The following RBAK variants were observed in gnomAD, a reference collection of about 807,000 sequenced individuals.
RBAK encodes RB associated KRAB zinc finger.
Under a neutral mutation model 65.8 loss-of-function variants are expected in RBAK, and 39 were observed. The observed-to-expected ratio is 0.59, with a 90% CI of 0.46 to 0.77. The LOEUF (loss-of-function observed/expected upper bound fraction) is 0.77, where lower values mean the gene tolerates loss of function less well. Among genes scored for constraint, RBAK ranks in the 30% least tolerant of loss-of-function variants. RBAK has a pLI of 0.00. For synonymous variants in RBAK, 343 were observed against 289.7 expected (o/e 1.18, Z -1.87); for missense variants, 884 against 855.1 (o/e 1.03, Z -0.42).
At chr7:5,052,367 C>G (rs948974370) in intron 2 of RBAK, among the ~76,000 whole-genome samples, 7 of 152,122 alleles carry the variant, frequency 4.6e-5, no homozygotes, top group Non-Finnish European at 5.9e-5. Context: ...ATTGATAAAA[C>G]TAGTTAGGTT....
chr7:5,057,694 C>G lies in RBAK; in HGVS notation c.153C>G (p.Thr51=). Residue 51 remains threonine, a synonymous_variant, in exon 4 of 5, where the codon ACC becomes ACG. Coordinates refer to ENST00000396912, the MANE Select transcript of RBAK (RefSeq NM_021163.4). The part of the protein sequence containing the change: ...YSHLVSVGYD[T]TKPNVIIKLE... ...TTTTCCCATTAACAGGATATGATAC[C>G]ACCAAGCCAAACGTCATCATTAAGT... 1 of 1,613,874 alleles carries G rather than the reference C, an allele frequency of 6.2e-7. No homozygotes were observed. The highest frequency in any genetic ancestry group is 8.5e-7 in the Non-Finnish European group (1 of 1,179,852).
chr7:5,066,415 A>G lies in RBAK; in HGVS notation c.*814A>G, dbSNP rs1381192276. 1 of 151,504 alleles carries G rather than the reference A, an allele frequency of 6.6e-6. No homozygotes were observed. Among genetic ancestry groups the G allele is most frequent in the Admixed American group, 6.6e-5 (1 of 15,206 alleles). The allele number at this position is 151,504 out of a possible 1,614,324, so 9.4% of individuals were successfully genotyped here. On this transcript the variant is annotated 3_prime_UTR_variant, in exon 5 of 5. Transcript: ENST00000396912. ...CTAAAAGACTATTTTGATAAACTAT[A>G]CATACATAATTTGGAATTGTTTAAG...
At chr7:5,054,577 CTA>C (rs1451259657) in intron 2 of RBAK, among the ~76,000 whole-genome samples, 1 of 151,886 alleles carries the variant, frequency 6.6e-6, no homozygotes, top group African/African-American at 2.4e-5. Flanking sequence ...ATGTCTCTCT[CTA>C]TATATATTTT....
chr7:5,061,340 G>T (rs1779065008), intron 4 of RBAK, among the ~76,000 whole-genome samples: 1 of 151,942 alleles, frequency 6.6e-6, no homozygotes, highest in African/African-American at 2.4e-5. Context: ...GTGCTATATT[G>T]TGCAAGCAGG....
intron 2 of RBAK, among the ~76,000 whole-genome samples, chr7:5,049,175 A>G (rs545222687): frequency 1.6e-4 from 24 of 152,338 alleles, no homozygotes; most frequent in Admixed American, 5.2e-4. Context: ...AGCTTTCCTA[A>G]TAACAACCAT....
At chr7:5,057,253 C>A (rs1262943773) in intron 2 of RBAK, 42 bp from the exon 3 acceptor site, 3 of 1,613,586 alleles carry the variant, frequency 1.9e-6, no homozygotes, top group Non-Finnish European at 1.7e-6. Context: ...TCCCCCTATC[C>A]CTTTTCCGTA....
At chr7:5,052,741 TTTGATTGATTGA>T (rs35675888) in intron 2 of RBAK, among the ~76,000 whole-genome samples, 8 of 151,068 alleles carry the variant, frequency 5.3e-5, no homozygotes, top group East Asian at 1.9e-4. Flanking sequence ...AACAGTTATC[TTTGATTGATTGA>T]TTGATTGATT....
At position 5,064,029 on chromosome 7, in the gene RBAK, A is replaced by G. The variant is rs759916301; in HGVS notation, c.573A>G (p.Glu191=). 8 of 1,613,362 alleles carry G rather than the reference A, an allele frequency of 5.0e-6. No homozygotes were observed. The highest frequency in any genetic ancestry group is 6.8e-6 in the Non-Finnish European group (8 of 1,179,822). The change falls in exon 5 of 5, where the codon GAA becomes GAG. Residue 191 remains glutamate (E), a synonymous_variant. Transcript: ENST00000396912. The surrounding 1 kb of genome is among the most constrained non-coding windows in gnomAD (Gnocchi z 6.3). ...NQNGDTYSHN[E]ENILQKISIL... is the part of the protein sequence containing the mutation. The stretch of plus-strand genomic sequence containing the variant: ...ATGGGGATACCTATTCTCACAATGA[A>G]GAAAATATTCTTCAGAAAATTAGTA...
intron 4 of RBAK, among the ~76,000 whole-genome samples, chr7:5,060,560 G>A (rs747100461): frequency 1.1e-4 from 17 of 152,142 alleles, no homozygotes; most frequent in Non-Finnish European, 1.6e-4. Context: ...AATGAACTGG[G>A]AAGAGATTTG....
At position 5,064,009 on chromosome 7, in the gene RBAK, G is replaced by T. The variant is rs1175430236; in HGVS notation, c.553G>T (p.Asp185Tyr). The change falls in exon 5 of 5, where the codon GAT (aspartate) becomes TAT (tyrosine). Residue 185 changes from aspartate to tyrosine, a missense_variant. Asp to Tyr is a radical substitution (Grantham distance 160, BLOSUM62 -3). Transcript: ENST00000396912. This position sits in a 1 kb window ranked among gnomAD's most constrained non-coding sequence, Gnocchi z 6.3. ...EKMCEFNQNG[D>Y]TYSHNEENIL... Reference sequence around the variant, plus strand: ...AATGTGTGAATTTAATCAAAATGGGGATACCTATTCTCACAATGAAGAAAA... The same window carrying T: ...AATGTGTGAATTTAATCAAAATGGGTATACCTATTCTCACAATGAAGAAAA... 2.5e-6 allele frequency: 4 copies of T among 1,613,718 alleles called. No homozygotes were observed. The East Asian group carries it at 8.9e-5, about 36-fold the overall frequency.
chr7:5,068,136 G>A lies in RBAK; in HGVS notation c.*2535G>A, dbSNP rs1178904240. 2 of 152,124 alleles carry A rather than the reference G, an allele frequency of 1.3e-5. No individual in the cohort carries two copies. The highest frequency in any genetic ancestry group is 6.6e-5 in the Admixed American group (1 of 15,264). 9.4% of individuals were successfully genotyped at this position (152,124 alleles called of 1,614,324 possible). A position where few individuals can be genotyped will look rare whatever the true frequency, so the allele number is the denominator to read the frequency against. ...AGTTCATGTATGTGACAACAGCACC[G>A]AGTATAGCAGAAGTGTTGGCAAACT... On this transcript the variant is annotated 3_prime_UTR_variant, in exon 5 of 5. Transcript: ENST00000396912.
Position 5,065,786 on chromosome 7 carries a change from T to G in RBAK, c.*185T>G. ...AAGAATGTAACAAGAAGCAAAGCCTTCAGCAAGATCATACGACTCATCGGA... is the reference window on the plus strand; with the variant it reads ...AAGAATGTAACAAGAAGCAAAGCCTGCAGCAAGATCATACGACTCATCGGA... On this transcript the variant is annotated 3_prime_UTR_variant, in exon 5 of 5. Coordinates refer to ENST00000396912, the MANE Select transcript of RBAK (RefSeq NM_021163.4). The surrounding 1 kb of genome is among the most constrained non-coding windows in gnomAD (Gnocchi z 5.3). 2.3e-6 allele frequency: 1 copy of G among 431,680 alleles called. No homozygotes were observed. The highest frequency in any genetic ancestry group is 4.0e-6 in the Non-Finnish European group (1 of 247,216). The allele number at this position is 431,680 out of a possible 1,614,324, so 26.7% of individuals were successfully genotyped here.
chr7:5,051,310 A>G (rs535378456), intron 2 of RBAK, among the ~76,000 whole-genome samples: 97 of 152,076 alleles, frequency 6.4e-4, no homozygotes, highest in Non-Finnish European at 1.0e-3. Context: ...CACATTAATC[A>G]TTTATATGCA....
At chr7:5,056,018 A>G (rs6972601) in intron 2 of RBAK, among the ~76,000 whole-genome samples, 6,821 of 151,622 alleles carry the variant, frequency 0.045, 541 homozygotes, top group African/African-American at 0.16. Context: ...AAGTTTGGGC[A>G]GGGCGTGCTG....
At position 5,067,315 on chromosome 7, in the gene RBAK, C is replaced by G. The variant is rs1779244838; in HGVS notation, c.*1714C>G. 6.6e-6 allele frequency: 1 copy of G among 152,052 alleles called. No homozygotes were observed. The highest frequency in any genetic ancestry group is 2.4e-5 in the African/African-American group (1 of 41,394). The allele number at this position is 152,052 out of a possible 1,614,324, so 9.4% of individuals were successfully genotyped here. On this transcript the variant is annotated 3_prime_UTR_variant, in exon 5 of 5. Transcript: ENST00000396912. ...GCCATGAGTAAATTTGGTAAGTTCC[C>G]TGCATAAAAGTTATGCAAAAAGCAT...
intron 2 of RBAK, among the ~76,000 whole-genome samples, chr7:5,052,456 CTTGA>C (rs1788136765): frequency 6.6e-6 from 1 of 152,104 alleles, no homozygotes; most frequent in Admixed American, 6.5e-5. Context: ...CTTCCTTCCT[CTTGA>C]TTAATTGATA....
chr7:5,053,053 C>T (rs1788151788), intron 2 of RBAK, among the ~76,000 whole-genome samples: 2 of 152,194 alleles, frequency 1.3e-5, no homozygotes, highest in African/African-American at 4.8e-5. Flanking sequence ...AGCCACCACA[C>T]CCAGCCCAGT....
chr7:5,053,820 G>T (rs1307043323), intron 2 of RBAK, among the ~76,000 whole-genome samples: 1 of 152,108 alleles, frequency 6.6e-6, no homozygotes, highest in Non-Finnish European at 1.5e-5. Context: ...CATCTTGCCT[G>T]TCTCAATTTT....
Position 5,048,571 on chromosome 7 carries a change from G to A in RBAK, c.15+480G>A, listed in dbSNP as rs1348417952. ...GCACCAAAAATGATTTGTGAAGCTT[G>A]TATGTGTGGATAGTAGATTTTAAGG... On this transcript the variant is annotated intron_variant, in intron 2 of 4. Transcript: ENST00000396912. The surrounding 1 kb of genome is among the most constrained non-coding windows in gnomAD (Gnocchi z 4.4). 1.3e-5 allele frequency among the ~76,000 whole-genome samples: 2 copies of A among 152,242 alleles called. No homozygotes were observed. The highest frequency in any genetic ancestry group is 2.9e-5 in the Non-Finnish European group (2 of 68,042).
Sources: gnomAD v4.1 joint callset for allele counts (sites outside exome capture counted in the v4.1 genomes callset) on GRCh38, gnomAD v4.1.1 for gene constraint, Gnocchi (gnomAD v3.1) non-coding constraint, MANE v1.5 for transcripts, NCBI Gene and HGNC (gene_info 2026-07-23, HGNC 2026-07-21) for gene names.